PACSIN2: variants seen among roughly 807,000 people sequenced by gnomAD.
PACSIN2 encodes protein kinase C and casein kinase substrate in neurons protein 2.
Under a neutral mutation model 63.8 loss-of-function variants are expected in PACSIN2, and 25 were observed. That is an observed-to-expected ratio of 0.39 (90% CI 0.29 to 0.55). The LOEUF (loss-of-function observed/expected upper bound fraction) is 0.55, where lower values mean the gene tolerates loss of function less well. Among genes scored for constraint, PACSIN2 ranks in the 20% least tolerant of loss-of-function variants. PACSIN2 has a pLI of 0.62. For synonymous variants in PACSIN2, 255 were observed against 256.2 expected (o/e 1.00, Z 0.05); for missense variants, 518 against 646.9 (o/e 0.80, Z 2.16).
At chr22:42,990,622 T>G (rs538571185) in intron 1 of PACSIN2, among the ~76,000 whole-genome samples, 1 of 152,240 alleles carries the variant, frequency 6.6e-6, no homozygotes, top group African/African-American at 2.4e-5. Context: ...GCATTTGCAG[T>G]AGACAAGATT....
chr22:42,899,986 T>G (rs1028042135), intron 2 of PACSIN2, among the ~76,000 whole-genome samples: 10 of 152,006 alleles, frequency 6.6e-5, no homozygotes, highest in African/African-American at 2.4e-4. Flanking sequence ...GGTGGAGAAA[T>G]AGAGACAGGA....
intron 1 of PACSIN2, among the ~76,000 whole-genome samples, chr22:42,970,290 G>A (rs5759066): frequency 0.6 from 91,646 of 152,116 alleles, 28,158 homozygotes; most frequent in East Asian, 0.78. Flanking sequence ...TAATGAAAAG[G>A]GCACTTCACC....
chr22:42,910,459 G>A (rs1324282500), intron 2 of PACSIN2, among the ~76,000 whole-genome samples: 4 of 152,170 alleles, frequency 2.6e-5, no homozygotes, highest in Admixed American at 6.5e-5. Context: ...TCTCTGGGGG[G>A]GCCAGCCAGC....
At chr22:42,934,544 G>A (rs139535211) in intron 1 of PACSIN2, among the ~76,000 whole-genome samples, 2,076 of 152,286 alleles carry the variant, frequency 0.014, 19 homozygotes, top group Non-Finnish European at 0.022. Context: ...CCCCTCATGG[G>A]CTGGCCCTGA....
chr22:42,982,888 A>AAAAAAAAAAAAAAAAAAAAAC lies in PACSIN2; in HGVS notation c.-78+32132_-78+32133insGTTTTTTTTTTTTTTTTTTTT, dbSNP rs759532303. On this transcript the variant is annotated intron_variant, in intron 1 of 10. Coordinates refer to ENST00000263246, the MANE Select transcript of PACSIN2 (RefSeq NM_001184970.3). ...GATCAATAAAAAAAAAAAAAAAAAA[A>AAAAAAAAAAAAAAAAAAAAAC]AACAACAACAAGGCTAGGAGCAGTG... Among the ~76,000 whole-genome samples the AAAAAAAAAAAAAAAAAAAAAC allele has an allele frequency of 6.9e-4, 72 of 105,034 alleles. 1 individual carries two copies. The highest frequency in any genetic ancestry group is 1.0e-3 in the Non-Finnish European group (50 of 47,796). The allele number at this position is 105,034 out of a possible 152,430, so 68.9% of individuals were successfully genotyped here.
chr22:42,897,376 C>A (rs537964232), intron 2 of PACSIN2, among the ~76,000 whole-genome samples: 56 of 152,260 alleles, frequency 3.7e-4, no homozygotes, highest in African/African-American at 1.3e-3. Flanking sequence ...ACTATTTCTG[C>A]TCTATCAGTT....
intron 1 of PACSIN2, among the ~76,000 whole-genome samples, chr22:42,963,640 A>C (rs976184244): frequency 6.6e-6 from 1 of 152,218 alleles, no homozygotes; most frequent in Non-Finnish European, 1.5e-5. Context: ...GCCCTGTTTT[A>C]CAGGGAAGGA....
chr22:42,992,730 A>G (rs1484129367), intron 1 of PACSIN2, among the ~76,000 whole-genome samples: 3 of 152,376 alleles, frequency 2.0e-5, no homozygotes, highest in African/African-American at 7.2e-5. Context: ...AACGTCTGTC[A>G]ATAGGTGAAT....
chr22:42,979,861 A>G (rs1921961005), intron 1 of PACSIN2, among the ~76,000 whole-genome samples: 2 of 152,234 alleles, frequency 1.3e-5, no homozygotes, highest in African/African-American at 4.8e-5. Flanking sequence ...CAGTGTGCTG[A>G]AACACGTTTG....
At chr22:42,893,313 A>AC in intron 3 of PACSIN2, 144 bp downstream of exon 3, 1 of 806,336 alleles carries the variant, frequency 1.2e-6, no homozygotes. Flanking sequence ...TAAAAATCAC[A>AC]CCCCGCTCTG....
Position 42,973,942 on chromosome 22 carries a change from G to A in PACSIN2, c.-78+41079C>T, listed in dbSNP as rs765990163. On this transcript the variant is annotated intron_variant, in intron 1 of 10. Transcript: ENST00000263246. ...GATGCCAAGTACCAAGAACAGAAGCGTAGCCTTAACTTGTAGCCTGATACA... is the reference window on the plus strand; with the variant it reads ...GATGCCAAGTACCAAGAACAGAAGCATAGCCTTAACTTGTAGCCTGATACA... Among the ~76,000 whole-genome samples, 42 of 152,222 alleles carry A rather than the reference G, an allele frequency of 2.8e-4. 1 individual carries two copies. The highest frequency in any genetic ancestry group is 1.4e-3 in the Admixed American group (21 of 15,288).
At chr22:42,876,854 G>C (rs753751066) in intron 9 of PACSIN2, 34 bp downstream of exon 9, 7 of 1,613,588 alleles carry the variant, frequency 4.3e-6, no homozygotes, top group South Asian at 1.1e-5. Context: ...CAGAGTGAGC[G>C]CGGTGGGAGC....
At chr22:42,955,275 CTGAATGAA>C (rs200886149) in intron 1 of PACSIN2, among the ~76,000 whole-genome samples, 4 of 152,048 alleles carry the variant, frequency 2.6e-5, no homozygotes, top group Admixed American at 2.0e-4. Flanking sequence ...AGAAGGTAAA[CTGAATGAA>C]TGAATGAATG....
chr22:42,986,456 C>T (rs1371896334), intron 1 of PACSIN2, among the ~76,000 whole-genome samples: 1 of 152,176 alleles, frequency 6.6e-6, no homozygotes, highest in Admixed American at 6.5e-5. Context: ...CTCCACAACC[C>T]CTTCCCAGCA....
chr22:42,927,670 C>T (rs1932626696), intron 1 of PACSIN2, among the ~76,000 whole-genome samples: 1 of 152,178 alleles, frequency 6.6e-6, no homozygotes, highest in African/African-American at 2.4e-5. Flanking sequence ...TCACTGCAAC[C>T]TCTGCCTCCC....
At chr22:42,876,393 C>T in intron 9 of PACSIN2, 60 bp from the exon 10 acceptor site, 3 of 1,472,416 alleles carry the variant, frequency 2.0e-6, no homozygotes, top group Middle Eastern at 3.5e-4. Context: ...TGTGAGGCCC[C>T]CGCCCCGCAA....
intron 1 of PACSIN2, among the ~76,000 whole-genome samples, chr22:42,926,835 C>T (rs951799514): frequency 9.9e-4 from 150 of 151,494 alleles, no homozygotes; most frequent in Non-Finnish European, 1.6e-3. Flanking sequence ...ATAGAGAGAC[C>T]CTATCTCTTA....
chr22:42,899,053 C>A (rs1930487920), intron 2 of PACSIN2, among the ~76,000 whole-genome samples: 1 of 152,178 alleles, frequency 6.6e-6, no homozygotes, highest in African/African-American at 2.4e-5. Flanking sequence ...TGTGCAGACA[C>A]AGGACCATGC....
At chr22:42,917,091 CT>C (rs1931862722) in intron 1 of PACSIN2, among the ~76,000 whole-genome samples, 2 of 152,194 alleles carry the variant, frequency 1.3e-5, no homozygotes, top group Admixed American at 1.3e-4. Flanking sequence ...GCCCCATGCA[CT>C]ACACGCGTGC....
Sources: gnomAD v4.1 joint callset for allele counts (sites outside exome capture counted in the v4.1 genomes callset) on GRCh38, gnomAD v4.1.1 for gene constraint, MANE v1.5 for transcripts, NCBI Gene and HGNC (gene_info 2026-07-23, HGNC 2026-07-21) for gene names.